PLEKHG3: variants seen among roughly 807,000 people sequenced by gnomAD.
The protein encoded by PLEKHG3 is pleckstrin homology and RhoGEF domain containing G3.
PLEKHG3 carries 62 observed loss-of-function variants against 94.9 expected under a neutral mutation model. The observed-to-expected ratio is 0.65, with a 90% CI of 0.53 to 0.81. The LOEUF (loss-of-function observed/expected upper bound fraction) is 0.81. PLEKHG3 is among the 30% of genes least tolerant of loss of function. The pLI is 0.00. For synonymous variants in PLEKHG3, 614 were observed against 654.0 expected, an observed-to-expected ratio of 0.94 and a Z score of 0.93; for missense variants, 1,461 against 1,619.3, an observed-to-expected ratio of 0.90 and a Z score of 1.68.
rs2081206319 is a variant in PLEKHG3 at position 64,718,442 on chromosome 14, T to G, written c.-39-9151T>G. ...TTTTCTTACAGATGCCTTGTCTTGT[T>G]TTGCCTTATAGCATATAAGCTCTGA... is the stretch of plus-strand genomic sequence containing the variant. On this transcript the variant is annotated intron_variant, in intron 1 of 16. Coordinates refer to ENST00000247226, the MANE Select transcript of PLEKHG3 (RefSeq NM_001308147.2). The surrounding 1 kb of genome is among the most constrained non-coding windows in gnomAD (Gnocchi z 5.0). Among the ~76,000 whole-genome samples, 1 of 152,200 alleles carries G rather than the reference T, an allele frequency of 6.6e-6. No individual in the cohort carries two copies. The highest frequency in any genetic ancestry group is 1.5e-5 in the Non-Finnish European group (1 of 68,038).
chr14:64,719,546 A>G (rs1002040900), intron 1 of PLEKHG3, among the ~76,000 whole-genome samples: 5 of 152,082 alleles, frequency 3.3e-5, no homozygotes, highest in Admixed American at 3.3e-4. Flanking sequence ...CTGGAAGTCA[A>G]ATGGGGTCTG....
chr14:64,705,598 A>C (rs2080958637), intron 1 of PLEKHG3, among the ~76,000 whole-genome samples: 1 of 152,164 alleles, frequency 6.6e-6, no homozygotes, highest in African/African-American at 2.4e-5. Flanking sequence ...GGAACCCTGG[A>C]GTGGGGGTTC....
Position 64,729,062 on chromosome 14 carries a change from GGGAA to G in PLEKHG3, c.419_422del (p.Gly140AlafsTer2). ...GCCAGAACAGGTCAGCGCCCTCTTT[GGGAA>G]CATAGAAAATATCTACGCGCTGAAC... is the stretch of plus-strand genomic sequence containing the variant. On this transcript the variant is annotated frameshift_variant, in exon 3 of 17. Transcript: ENST00000247226. LOFTEE classifies it high-confidence loss of function. The G allele has an allele frequency of 6.6e-7, 1 of 1,524,168 alleles. No individual in the cohort carries two copies. The highest frequency in any genetic ancestry group is 8.8e-7 in the Non-Finnish European group (1 of 1,136,384). The allele number at this position is 1,524,168 out of a possible 1,614,324, so 94.4% of individuals were successfully genotyped here.
At position 64,743,894 on chromosome 14, in the gene PLEKHG3, C is replaced by G. The variant is rs1024057239; in HGVS notation, c.*191C>G. 1.9e-6 allele frequency: 1 copy of G among 533,724 alleles called. No individual in the cohort carries two copies. The highest frequency in any genetic ancestry group is 3.2e-6 in the Non-Finnish European group (1 of 317,092). The allele number at this position is 533,724 out of a possible 1,614,324, so 33.1% of individuals were successfully genotyped here. On this transcript the variant is annotated 3_prime_UTR_variant, in exon 17 of 17. Coordinates refer to ENST00000247226, the MANE Select transcript of PLEKHG3 (RefSeq NM_001308147.2). This position sits in a 1 kb window ranked among gnomAD's most constrained non-coding sequence, Gnocchi z 7.2. ...CCTGCCTGTGCCATCCACTGGGGCT[C>G]GAGACAATTTCCCACTCACCTGTGA...
Position 64,716,497 on chromosome 14 carries a change from A to C in PLEKHG3, c.-39-11096A>C, listed in dbSNP as rs866474803. Reference sequence around the variant, plus strand: ...CACACACACAACACACACACACACAACACACACACACACACACACACACAC... The same window carrying C: ...CACACACACAACACACACACACACACCACACACACACACACACACACACAC... On this transcript the variant is annotated intron_variant, in intron 1 of 16. Coordinates refer to ENST00000247226, the MANE Select transcript of PLEKHG3 (RefSeq NM_001308147.2). This position sits in a 1 kb window ranked among gnomAD's most constrained non-coding sequence, Gnocchi z 5.0. 1.3e-3 allele frequency among the ~76,000 whole-genome samples: 11 copies of C among 8,736 alleles called. No homozygotes were observed. The East Asian group carries it at 0.033, about 26-fold the overall frequency. The allele number at this position is 8,736 out of a possible 152,430, so 5.7% of individuals were successfully genotyped here. A position where few individuals can be genotyped will look rare whatever the true frequency, so the allele number is the denominator to read the frequency against.
Position 64,744,182 on chromosome 14 carries a change from C to G in PLEKHG3, c.*479C>G, listed in dbSNP as rs1427899614. On this transcript the variant is annotated 3_prime_UTR_variant, in exon 17 of 17. Transcript: ENST00000247226. ...GCTTTCCATTCTGTGGTATGATGTG[C>G]GTGTGCGTGAGTGTGTGGCCCCTGT... 1.9e-5 allele frequency: 3 copies of G among 154,190 alleles called. No homozygotes were observed. Among genetic ancestry groups the G allele is most frequent in the African/African-American group, 7.2e-5 (3 of 41,428 alleles). The allele number at this position is 154,190 out of a possible 1,614,324, so 9.6% of individuals were successfully genotyped here.
chr14:64,732,205 G>A lies in PLEKHG3; in HGVS notation c.1212+24G>A, dbSNP rs781212332. On this transcript the variant is annotated intron_variant, in intron 10 of 16. Coordinates refer to ENST00000247226, the MANE Select transcript of PLEKHG3 (RefSeq NM_001308147.2). This position sits in a 1 kb window ranked among gnomAD's most constrained non-coding sequence, Gnocchi z 4.9. ...AGGTGAGTTCCCCCAGCTCCTGACT[G>A]TGTGCAAGGAGAATGTGCTCCTCTG... The A allele has an allele frequency of 8.8e-6, 14 of 1,585,744 alleles. 1 individual carries two copies. The highest frequency in any genetic ancestry group is 3.3e-4 in the Middle Eastern group (2 of 6,014).
chr14:64,736,058 C>T (rs1484177171), intron 12 of PLEKHG3, among the ~76,000 whole-genome samples: 1 of 152,246 alleles, frequency 6.6e-6, no homozygotes, highest in Non-Finnish European at 1.5e-5. Context: ...GGTAGACTTT[C>T]CTTCTGACTC....
rs1384987570 is a variant in PLEKHG3 at position 64,732,165 on chromosome 14, C to A, written c.1196C>A (p.Ala399Asp). 6.2e-7 allele frequency: 1 copy of A among 1,613,408 alleles called. No homozygotes were observed. The highest frequency in any genetic ancestry group is 1.7e-5 in the Admixed American group (1 of 60,016). ...AGGCTCATCCTAGAGAACCACCATGCCACCATTCCCCAGAAGGTGAGTTCC... is the reference window on the plus strand; with the variant it reads ...AGGCTCATCCTAGAGAACCACCATGACACCATTCCCCAGAAGGTGAGTTCC... ...IKRLILENHH[A>D]TIPQKAKEAI... The change falls in exon 10 of 17, where the codon GCC (alanine) becomes GAC (aspartate). Residue 399 changes from alanine (A) to aspartate (D), a missense_variant. Physicochemically the swap from Ala to Asp is moderately radical, Grantham distance 126. Transcript: ENST00000247226. This position sits in a 1 kb window ranked among gnomAD's most constrained non-coding sequence, Gnocchi z 4.9.
Position 64,731,014 on chromosome 14 carries a change from C to T in PLEKHG3, c.718-24C>T. On this transcript the variant is annotated intron_variant, in intron 6 of 16. Coordinates refer to ENST00000247226, the MANE Select transcript of PLEKHG3 (RefSeq NM_001308147.2). This position sits in a 1 kb window ranked among gnomAD's most constrained non-coding sequence, Gnocchi z 6.1. The stretch of plus-strand genomic sequence containing the variant: ...GGGCAGGGCCTTCGGGTCAGGGGCA[C>T]CTAAGCGTCTATCTTCTGCGCAGGA... 2 of 1,613,972 alleles carry T rather than the reference C, an allele frequency of 1.2e-6. No individual in the cohort carries two copies. Among genetic ancestry groups the T allele is most frequent in the South Asian group, 2.2e-5 (2 of 91,074 alleles).
In PLEKHG3 at chr14:64,749,911, G is replaced by A. The variant is rs531002508; in HGVS notation, c.*6208G>A. 3.1e-6 allele frequency: 5 copies of A among 1,601,350 alleles called. No homozygotes were observed. In the East Asian group the frequency reaches 6.7e-5, roughly 21 times the overall value. On this transcript the variant is annotated 3_prime_UTR_variant, in exon 17 of 17. Coordinates refer to ENST00000247226, the MANE Select transcript of PLEKHG3 (RefSeq NM_001308147.2). The surrounding 1 kb of genome is among the most constrained non-coding windows in gnomAD (Gnocchi z 4.7). The stretch of plus-strand genomic sequence containing the variant: ...GGCCTGGCACTGGTCCCCTACAGAG[G>A]GCCTCTGCCCTGCCACTAATGCCAA...
rs1176635255 is a variant in PLEKHG3, at chr14:64,725,807, CCAGGTTAGCGG to C, written c.-39-1780_-39-1770del. Among the ~76,000 whole-genome samples, 2 of 152,206 alleles carry C rather than the reference CCAGGTTAGCGG, an allele frequency of 1.3e-5. No individual in the cohort carries two copies. The highest frequency in any genetic ancestry group is 4.8e-5 in the African/African-American group (2 of 41,450). ...AGTGCTGTGCTCCAGAGCATCCCGGCCAGGTTAGCGGCAGGTGGTAAGTAGGTCTTGAGGCG... is the reference window on the plus strand; with the variant it reads ...AGTGCTGTGCTCCAGAGCATCCCGGCCAGGTGGTAAGTAGGTCTTGAGGCG... On this transcript the variant is annotated intron_variant, in intron 1 of 16. Transcript: ENST00000247226. The surrounding 1 kb of genome is among the most constrained non-coding windows in gnomAD (Gnocchi z 5.0).
chr14:64,727,537 G>C lies in PLEKHG3; in HGVS notation c.-39-56G>C. ...CCCCACCCCTGGCAACCGTCCCTCTGTTCTGTTTCTGTGGGCATTCAGAGG... is the reference window on the plus strand; with the variant it reads ...CCCCACCCCTGGCAACCGTCCCTCTCTTCTGTTTCTGTGGGCATTCAGAGG... On this transcript the variant is annotated intron_variant, in intron 1 of 16. Transcript: ENST00000247226. This position sits in a 1 kb window ranked among gnomAD's most constrained non-coding sequence, Gnocchi z 6.0. The C allele has an allele frequency of 3.7e-6, 2 of 543,636 alleles. No individual in the cohort carries two copies. Among genetic ancestry groups the C allele is most frequent in the South Asian group, 4.0e-5 (2 of 49,608 alleles). The allele number at this position is 543,636 out of a possible 1,614,324, so 33.7% of individuals were successfully genotyped here.
At chr14:64,733,532 C>G (rs2081514618) in intron 12 of PLEKHG3, among the ~76,000 whole-genome samples, 1 of 152,130 alleles carries the variant, frequency 6.6e-6, no homozygotes, top group African/African-American at 2.4e-5. Context: ...CTTCTTAGCC[C>G]CCTCCCTCCT....
intron 1 of PLEKHG3, among the ~76,000 whole-genome samples, chr14:64,706,412 A>G (rs2080971344): frequency 1.3e-5 from 2 of 152,202 alleles, no homozygotes; most frequent in Admixed American, 1.3e-4. Context: ...TGGCCAATTC[A>G]CTTATCTTTT....
chr14:64,739,622 C>T lies in PLEKHG3; in HGVS notation c.1518+767C>T, dbSNP rs756095630. The stretch of plus-strand genomic sequence containing the variant: ...GCTGTAACAAAATCCCTTACTGCTA[C>T]GTGGGTAGCTTAGTTATTGCTCACA... On this transcript the variant is annotated intron_variant, in intron 15 of 16. Coordinates refer to ENST00000247226, the MANE Select transcript of PLEKHG3 (RefSeq NM_001308147.2). The surrounding 1 kb of genome is among the most constrained non-coding windows in gnomAD (Gnocchi z 4.1). Among the ~76,000 whole-genome samples, 2 of 152,240 alleles carry T rather than the reference C, an allele frequency of 1.3e-5. No individual in the cohort carries two copies. Among genetic ancestry groups the T allele is most frequent in the East Asian group, 1.9e-4 (1 of 5,196 alleles).
chr14:64,737,871 A>C (rs1054279711), intron 14 of PLEKHG3: 3 of 1,193,470 alleles, frequency 2.5e-6, no homozygotes, highest in Non-Finnish European at 3.2e-6. Flanking sequence ...GCATGCAGGC[A>C]GTGCTGGAAC....
Position 64,749,839 on chromosome 14 carries a change from T to C in PLEKHG3, c.*6136T>C, listed in dbSNP as rs1229704375. 9 of 1,483,438 alleles carry C rather than the reference T, an allele frequency of 6.1e-6. No individual in the cohort carries two copies. In the Admixed American group the frequency reaches 9.2e-5, roughly 15 times the overall value. The allele number at this position is 1,483,438 out of a possible 1,614,324, so 91.9% of individuals were successfully genotyped here. A position where few individuals can be genotyped will look rare whatever the true frequency, so the allele number is the denominator to read the frequency against. ...CAGCACTTTCTGAGAGGTCAAAGTC[T>C]GGACCATCAGCCTCTTTGATTTGAA... On this transcript the variant is annotated 3_prime_UTR_variant, in exon 17 of 17. Coordinates refer to ENST00000247226, the MANE Select transcript of PLEKHG3 (RefSeq NM_001308147.2). This position sits in a 1 kb window ranked among gnomAD's most constrained non-coding sequence, Gnocchi z 4.7.
Position 64,741,886 on chromosome 14 carries a change from C to T in PLEKHG3, c.2369C>T (p.Pro790Leu), listed in dbSNP as rs757730870. 14 of 1,610,156 alleles carry T rather than the reference C, an allele frequency of 8.7e-6. 1 individual carries two copies. The East Asian group carries it at 1.8e-4, about 21-fold the overall frequency. ...ACTTCGTGGGCCCTGTTTGAGCTCC[C>T]AGGACCAAGCCAGGCAGTCAAAGGG... Reference protein sequence around the residue: ...RPTSWALFELPGPSQAVKGDP... With the variant: ...RPTSWALFELLGPSQAVKGDP... Residue 790 changes from proline to leucine, a missense_variant, in exon 16 of 17, where the codon CCA becomes CTA. Around this residue, in one of 3 missense-constraint regions of PLEKHG3, gnomAD observed 1,201 missense variants for 1,295.5 expected, o/e 0.93. Coordinates refer to ENST00000247226, the MANE Select transcript of PLEKHG3 (RefSeq NM_001308147.2).
Sources: gnomAD v4.1 joint callset for allele counts (sites outside exome capture counted in the v4.1 genomes callset) on GRCh38, gnomAD v4.1.1 for gene constraint, gnomAD v4.1.1 regional missense constraint, Gnocchi (gnomAD v3.1) non-coding constraint, MANE v1.5 for transcripts, NCBI Gene and HGNC (gene_info 2026-07-23, HGNC 2026-07-21) for gene names.